Variants in HECTD4 observed in about 807,000 individuals in gnomAD.
HECTD4 encodes the protein HECT domain E3 ubiquitin protein ligase 4.
In HECTD4, 114 loss-of-function variants were observed where a neutral mutation model predicts 471.5. The observed-to-expected ratio is 0.24, with a 90% CI of 0.21 to 0.28. The LOEUF is 0.28. Among genes scored for constraint, HECTD4 ranks in the 10% least tolerant of loss-of-function variants. The pLI is 1.00. For missense variants in HECTD4, 3,866 were observed against 5,651.5 expected (o/e 0.68, Z 10.13); for synonymous variants, 2,012 against 2,256.0 (o/e 0.89, Z 3.07).
Position 112,261,315 on chromosome 12 carries a change from G to A in HECTD4, c.2863C>T (p.Arg955Cys), listed in dbSNP as rs866754825. ...CAATCCATTCCTCACCTCTGCTCAC[G>A]GTCTGCTATGTCACTATTTATGAGG... ...TALINSDIADREQRLKGLEQV... is the reference protein window; with the variant it reads ...TALINSDIADCEQRLKGLEQV... The change falls in exon 18 of 76, where the codon CGT becomes TGT. Residue 955 changes from arginine (R) to cysteine (C), a missense_variant. Transcript: ENST00000682272. 29 of 1,595,372 alleles carry A rather than the reference G, an allele frequency of 1.8e-5. No homozygotes were observed. Among genetic ancestry groups the A allele is most frequent in the Non-Finnish European group, 2.4e-5 (28 of 1,165,206 alleles).
intron 2 of HECTD4, among the ~76,000 whole-genome samples, chr12:112,318,061 G>A (rs2035517964): frequency 6.6e-6 from 1 of 151,722 alleles, no homozygotes; most frequent in Admixed American, 6.6e-5. Context: ...GATCACTTGA[G>A]GTCAGGAATT....
At chr12:112,380,444 CG>C (rs1199844304) in intron 1 of HECTD4, among the ~76,000 whole-genome samples, 3 of 151,598 alleles carry the variant, frequency 2.0e-5, no homozygotes, top group African/African-American at 4.8e-5. Context: ...GACTCGGTCT[CG>C]GGGGAAAAAA....
chr12:112,241,671 G>C (rs757213940), intron 32 of HECTD4, among the ~76,000 whole-genome samples: 1 of 152,062 alleles, frequency 6.6e-6, no homozygotes, highest in Non-Finnish European at 1.5e-5. Context: ...TATTGCCCAG[G>C]CTGGTCTTGA....
At position 112,176,640 on chromosome 12, in the gene HECTD4, G is replaced by A; in HGVS notation, c.11426C>T (p.Pro3809Leu). 1.2e-6 allele frequency: 2 copies of A among 1,613,942 alleles called. No homozygotes were observed. Among genetic ancestry groups the A allele is most frequent in the Non-Finnish European group, 1.7e-6 (2 of 1,179,876 alleles). The change falls in exon 65 of 76, where the codon CCA (proline) becomes CTA (leucine). Residue 3809 changes from proline to leucine, a missense_variant. Physicochemically the swap from Pro to Leu is moderately conservative, Grantham distance 98 (BLOSUM62 -3). Around this residue, in one of 16 missense-constraint regions of HECTD4, gnomAD observed 715 missense variants for 1,087.6 expected, o/e 0.66. Coordinates refer to ENST00000682272, the MANE Select transcript of HECTD4 (RefSeq NM_001388303.1). ...VKPKSPEKSK[P>L]DEKDPEKSPT... ...TGACTTTTCTGGGTCCTTTTCATCT[G>A]GTTTGCTCTTTTCTGGTGATTTTGG... is the stretch of plus-strand genomic sequence containing the variant.
In HECTD4 at chr12:112,210,225, A is replaced by G; in HGVS notation, c.7657T>C (p.Ser2553Pro). Reference protein sequence around the residue: ...KNTKTRANFGSRPFAYAEGQA... With the variant: ...KNTKTRANFGPRPFAYAEGQA... Reference sequence around the variant, plus strand: ...CCTTCCGCGTAGGCAAACGGCCGGGAGCCAAAGTTAGCTCGGGTTTTGGTG... The same window carrying G: ...CCTTCCGCGTAGGCAAACGGCCGGGGGCCAAAGTTAGCTCGGGTTTTGGTG... Residue 2553 changes from serine to proline, a missense_variant, in exon 50 of 76, where the codon TCC (serine) becomes CCC (proline). This residue lies in a region of HECTD4 where 617 missense variants were observed against 915.1 expected (regional missense o/e 0.67). Coordinates refer to ENST00000682272, the MANE Select transcript of HECTD4 (RefSeq NM_001388303.1). 1.9e-6 allele frequency: 3 copies of G among 1,613,952 alleles called. No homozygotes were observed. The highest frequency in any genetic ancestry group is 2.5e-6 in the Non-Finnish European group (3 of 1,179,802).
intron 59 of HECTD4, 77 bp from the exon 60 acceptor site, chr12:112,191,042 G>A: frequency 7.9e-7 from 1 of 1,260,400 alleles, no homozygotes; most frequent in Non-Finnish European, 1.1e-6. Flanking sequence ...GGTCCTGCCA[G>A]GTGTGCATGT....
At chr12:112,304,293 G>A (rs1038478079) in intron 7 of HECTD4, among the ~76,000 whole-genome samples, 2 of 134,898 alleles carry the variant, frequency 1.5e-5, no homozygotes, top group African/African-American at 2.8e-5. Context: ...CACTCAGGCT[G>A]GAGCACACTG....
At chr12:112,299,585 T>C (rs2035120564) in intron 7 of HECTD4, among the ~76,000 whole-genome samples, 1 of 152,150 alleles carries the variant, frequency 6.6e-6, no homozygotes, top group Admixed American at 6.6e-5. Flanking sequence ...ATCTAGCCAC[T>C]GCACTCCAGG....
At chr12:112,295,519 T>A (rs1394753927) in intron 7 of HECTD4, among the ~76,000 whole-genome samples, 1 of 150,782 alleles carries the variant, frequency 6.6e-6, no homozygotes, top group African/African-American at 2.4e-5. Context: ...TTTTTTTTTT[T>A]AGTAGAGACA....
In HECTD4 at chr12:112,302,126, C is replaced by T. The variant is rs1489400138; in HGVS notation, c.1335+3938G>A. The stretch of plus-strand genomic sequence containing the variant: ...CAGTCTTGCCTTCCCCTTGATAATG[C>T]AGTAAGGGACTCCCATTTTACAACA... On this transcript the variant is annotated intron_variant, in intron 7 of 75. Transcript: ENST00000682272. 3.3e-5 allele frequency: 36 copies of T among 1,096,368 alleles called. 1 individual carries two copies. The South Asian group carries it at 4.5e-4, about 14-fold the overall frequency. 67.9% of individuals were successfully genotyped at this position (1,096,368 alleles called of 1,614,324 possible). A position where few individuals can be genotyped will look rare whatever the true frequency, so the allele number is the denominator to read the frequency against.
intron 69 of HECTD4, 190 bp from the exon 70 acceptor site, chr12:112,169,848 C>T (rs1034015867): frequency 1.5e-6 from 1 of 660,302 alleles, no homozygotes; most frequent in East Asian, 2.7e-5. Flanking sequence ...ATGGCTCCCA[C>T]TTTTGGAACC....
intron 49 of HECTD4, 76 bp downstream of exon 49, chr12:112,212,411 C>G: frequency 1.6e-6 from 2 of 1,226,642 alleles, no homozygotes; most frequent in Non-Finnish European, 2.4e-6. Context: ...CCGTTTGCTC[C>G]CTTTCATTTT....
chr12:112,259,382 G>C (rs1197132561), intron 18 of HECTD4, 117 bp from the exon 19 acceptor site: 9 of 1,015,694 alleles, frequency 8.9e-6, no homozygotes, highest in Non-Finnish European at 1.3e-5. Flanking sequence ...AACTACTTAA[G>C]CACTTTCAGC....
At chr12:112,274,363 C>T (rs2034482181) in intron 10 of HECTD4, among the ~76,000 whole-genome samples, 2 of 152,164 alleles carry the variant, frequency 1.3e-5, no homozygotes, top group South Asian at 2.1e-4. Flanking sequence ...AGGAATTTTA[C>T]ATATGGCAAT....
Position 112,226,670 on chromosome 12 carries a change from T to C in HECTD4, c.6943A>G (p.Asn2315Asp). ...GCACTACATTCCTGGGCTACTAGGT[T>C]AAGAACTTCAACAGCTGCTGGACAT... Reference protein sequence around the residue: ...QQCPAAVEVLNLVAQECSAGE... With the variant: ...QQCPAAVEVLDLVAQECSAGE... The change falls in exon 44 of 76, where the codon AAC becomes GAC. Residue 2315 changes from asparagine (N) to aspartate (D), a missense_variant. Asn to Asp is a conservative substitution (Grantham distance 23). Coordinates refer to ENST00000682272, the MANE Select transcript of HECTD4 (RefSeq NM_001388303.1). 1 of 1,612,654 alleles carries C rather than the reference T, an allele frequency of 6.2e-7. No individual in the cohort carries two copies. The highest frequency in any genetic ancestry group is 1.3e-5 in the African/African-American group (1 of 75,048).
Position 112,252,484 on chromosome 12 carries a change from G to A in HECTD4, c.3492C>T (p.Gly1164=), listed in dbSNP as rs756019482. The A allele has an allele frequency of 7.4e-6, 12 of 1,612,930 alleles. No homozygotes were observed. The highest frequency in any genetic ancestry group is 5.3e-5 in the African/African-American group (4 of 74,830). The change falls in exon 23 of 76, where the codon GGC becomes GGT. Residue 1164 remains glycine (G), a synonymous_variant. Coordinates refer to ENST00000682272, the MANE Select transcript of HECTD4 (RefSeq NM_001388303.1). The stretch of plus-strand genomic sequence containing the variant: ...CTTTATCAGGAGTGTTGTGTTCACG[G>A]CCACTTCTCATTTCAAAGGAGAAGG... ...TVTFSFEMRS[G]REHNTPDKAM...
chr12:112,263,707 T>TATTTATA, intron 17 of HECTD4, among the ~76,000 whole-genome samples: 1 of 137,908 alleles, frequency 7.3e-6, no homozygotes, highest in East Asian at 2.5e-4. Context: ...CCCAAGATTT[T>TATTTATA]TATATATATA....
intron 55 of HECTD4, among the ~76,000 whole-genome samples, chr12:112,199,197 G>T (rs1283937856): frequency 6.6e-6 from 1 of 152,204 alleles, no homozygotes; most frequent in Non-Finnish European, 1.5e-5. Context: ...CTTCTATGTG[G>T]ACGACTGTGA....
At position 112,267,116 on chromosome 12, in the gene HECTD4, T is replaced by A. The variant is rs994283654; in HGVS notation, c.2322-134A>T. ...TCTGGCTGCGACATCTGTCACCCCA[T>A]TGATCGCTGGGGTTGATTCGGCTGA... is the stretch of plus-strand genomic sequence containing the variant. On this transcript the variant is annotated intron_variant, in intron 13 of 75. Transcript: ENST00000682272. 4 of 621,118 alleles carry A rather than the reference T, an allele frequency of 6.4e-6. No homozygotes were observed. The African/African-American group carries it at 7.4e-5, about 12-fold the overall frequency. The allele number at this position is 621,118 out of a possible 1,614,324, so 38.5% of individuals were successfully genotyped here.
Sources: gnomAD v4.1 joint callset for allele counts (sites outside exome capture counted in the v4.1 genomes callset) on GRCh38, gnomAD v4.1.1 for gene constraint, gnomAD v4.1.1 regional missense constraint, MANE v1.5 for transcripts, NCBI Gene and HGNC (gene_info 2026-07-23, HGNC 2026-07-21) for gene names.